Variants in RPA1 observed in about 807,000 individuals in gnomAD.
RPA1 encodes the protein replication protein A 70 kDa DNA-binding subunit.
A neutral mutation model predicts 83.0 loss-of-function variants in RPA1; 49 were observed. The ratio of observed to expected loss-of-function variants is 0.59; its 90% CI spans 0.47 to 0.75. The LOEUF is 0.75. Ranked by LOEUF, RPA1 falls within the 30% of genes least tolerant of loss-of-function variation. RPA1 has a pLI of 0.00. For synonymous variants in RPA1, 279 were observed against 281.8 expected (o/e 0.99, Z 0.10); for missense variants, 693 against 776.1 (o/e 0.89, Z 1.27).
At chr17:1,880,498 C>T in intron 11 of RPA1, 45 bp from the exon 12 acceptor site, 4 of 1,594,904 alleles carry the variant, frequency 2.5e-6, no homozygotes, top group Non-Finnish European at 3.4e-6. Context: ...CTTCTGTGTT[C>T]TTCCTGCTAG....
Position 1,856,181 on chromosome 17 carries a change from TG to T in RPA1, c.361+2994del, listed in dbSNP as rs887213013. ...TCTACCAAAAATACAAAAAATTAGC[TG>T]GATGTGGTGGCGCTCCTGCACCTGT... is the stretch of plus-strand genomic sequence containing the variant. On this transcript the variant is annotated intron_variant, in intron 5 of 16. Coordinates refer to ENST00000254719, the MANE Select transcript of RPA1 (RefSeq NM_002945.5). Among the ~76,000 whole-genome samples, 74 of 151,944 alleles carry T rather than the reference TG, an allele frequency of 4.9e-4. 1 individual carries two copies. The highest frequency in any genetic ancestry group is 1.7e-3 in the African/African-American group (70 of 41,438).
rs371452640 is a variant in RPA1, at chr17:1,853,172, C to T, written c.344C>T (p.Pro115Leu). Reference sequence around the variant, plus strand: ...GCAGTTGGAGTGAAGATTGGCAATCCAGTGCCCTATAATGAAGGTAAAATG... The same window carrying T: ...GCAGTTGGAGTGAAGATTGGCAATCTAGTGCCCTATAATGAAGGTAAAATG... ...AEAVGVKIGN[P>L]VPYNEGLGQP... The change falls in exon 5 of 17, where the codon CCA (proline) becomes CTA (leucine). Residue 115 changes from proline to leucine, a missense_variant. Physicochemically the swap from Pro to Leu is moderately conservative, Grantham distance 98. Coordinates refer to ENST00000254719, the MANE Select transcript of RPA1 (RefSeq NM_002945.5). 21 of 1,613,828 alleles carry T rather than the reference C, an allele frequency of 1.3e-5. No individual in the cohort carries two copies. In the South Asian group the frequency reaches 1.8e-4, roughly 13 times the overall value.
intron 4 of RPA1, among the ~76,000 whole-genome samples, chr17:1,850,108 G>T (rs961075015): frequency 6.6e-6 from 1 of 151,184 alleles, no homozygotes; most frequent in Non-Finnish European, 1.5e-5. Flanking sequence ...GGAGATGGAG[G>T]TTGCAGTGAG....
intron 8 of RPA1, among the ~76,000 whole-genome samples, chr17:1,878,288 A>T (rs1432304187): frequency 6.6e-6 from 1 of 152,208 alleles, no homozygotes; most frequent in Non-Finnish European, 1.5e-5. Context: ...AAAGTGCTGC[A>T]GATTTCCTGT....
chr17:1,893,513 C>T (rs937354287), intron 15 of RPA1, among the ~76,000 whole-genome samples: 13 of 152,208 alleles, frequency 8.5e-5, no homozygotes, highest in African/African-American at 3.1e-4. Context: ...GCTGCTTTCA[C>T]GCCGTGCGTG....
rs1404537321 is a variant in RPA1 at position 1,897,805 on chromosome 17, A to G, written c.*630A>G. On this transcript the variant is annotated 3_prime_UTR_variant, in exon 17 of 17. Transcript: ENST00000254719. ...ACTGAGTCAGATGGGTCTGATATTA[A>G]TCAAAATTGTCTCTTCTGAGGACCG... is the stretch of plus-strand genomic sequence containing the variant. 1 of 152,818 alleles carries G rather than the reference A, an allele frequency of 6.5e-6. No homozygotes were observed. Among genetic ancestry groups the G allele is most frequent in the Non-Finnish European group, 1.5e-5 (1 of 68,180 alleles). The allele number at this position is 152,818 out of a possible 1,614,324, so 9.5% of individuals were successfully genotyped here. A position where few individuals can be genotyped will look rare whatever the true frequency, so the allele number is the denominator to read the frequency against.
intron 5 of RPA1, among the ~76,000 whole-genome samples, chr17:1,867,985 G>A (rs554445727): frequency 9.2e-5 from 14 of 151,796 alleles, no homozygotes; most frequent in Admixed American, 3.3e-4. Context: ...CGGGGAGGCC[G>A]AGTCGGGGGA....
chr17:1,877,827 C>G (rs1913627522), intron 8 of RPA1, among the ~76,000 whole-genome samples: 1 of 152,160 alleles, frequency 6.6e-6, no homozygotes, highest in African/African-American at 2.4e-5. Context: ...TGCAGATTCT[C>G]TATTTGCTTT....
Position 1,883,730 on chromosome 17 carries a change from T to C in RPA1, c.1242-82T>C, listed in dbSNP as rs1597455016. 6 of 1,588,518 alleles carry C rather than the reference T, an allele frequency of 3.8e-6. No homozygotes were observed. The East Asian group carries it at 1.3e-4, about 36-fold the overall frequency. On this transcript the variant is annotated intron_variant, in intron 12 of 16. Coordinates refer to ENST00000254719, the MANE Select transcript of RPA1 (RefSeq NM_002945.5). ...GCGGGTGGTGGGAAACCTGTGTCTG[T>C]CGCGTAGCAGCAAGTTGCATGTGGA...
intron 11 of RPA1, among the ~76,000 whole-genome samples, chr17:1,880,073 G>A (rs1422572638): frequency 3.4e-5 from 5 of 146,506 alleles, no homozygotes; most frequent in African/African-American, 1.3e-4. Context: ...AGCTCCTGGG[G>A]TTGGGGGAGG....
At chr17:1,836,107 CTTTTTTAT>C (rs1425388897) in intron 1 of RPA1, among the ~76,000 whole-genome samples, 1 of 73,250 alleles carries the variant, frequency 1.4e-5, no homozygotes, top group African/African-American at 2.9e-5. Context: ...TAAATTGCAC[CTTTTTTAT>C]TTATTTATTT....
intron 11 of RPA1, among the ~76,000 whole-genome samples, chr17:1,880,129 G>C (rs1346769641): frequency 6.6e-6 from 1 of 151,372 alleles, no homozygotes; most frequent in Non-Finnish European, 1.5e-5. Flanking sequence ...CACACAGGAG[G>C]AGCTCCTGGG....
chr17:1,849,104 G>A (rs1160523908), intron 4 of RPA1, among the ~76,000 whole-genome samples: 3 of 152,080 alleles, frequency 2.0e-5, no homozygotes, highest in African/African-American at 7.2e-5. Context: ...TGAGGCTATT[G>A]TTCAAAGTGT....
chr17:1,839,365 C>T (rs947743839), intron 1 of RPA1, among the ~76,000 whole-genome samples: 21 of 150,508 alleles, frequency 1.4e-4, no homozygotes, highest in Non-Finnish European at 2.5e-4. Flanking sequence ...CTAGCTCTGT[C>T]GCCAGGCTGG....
At chr17:1,891,532 G>A (rs1460982307) in intron 14 of RPA1, 4 of 183,856 alleles carry the variant, frequency 2.2e-5, no homozygotes. Flanking sequence ...TGATTCTCCC[G>A]CCTCAGCCTC....
chr17:1,880,119 C>T (rs1319043811), intron 11 of RPA1, among the ~76,000 whole-genome samples: 2 of 149,836 alleles, frequency 1.3e-5, no homozygotes, highest in African/African-American at 4.9e-5. Flanking sequence ...GCCTTCAGCA[C>T]ACACAGGAGG....
At chr17:1,854,342 G>A (rs1912609890) in intron 5 of RPA1, 1 of 152,072 alleles carries the variant, frequency 6.6e-6, no homozygotes, top group East Asian at 1.9e-4. Flanking sequence ...GGAAGAGGCT[G>A]CACAAATAGA....
At chr17:1,840,305 G>T (rs970238033) in intron 1 of RPA1, among the ~76,000 whole-genome samples, 2 of 151,604 alleles carry the variant, frequency 1.3e-5, no homozygotes, top group Admixed American at 6.6e-5. Context: ...AATTTTTTTT[G>T]AGATGGATTC....
In RPA1 at chr17:1,879,304, G is replaced by A. The variant is rs1913684894; in HGVS notation, c.849G>A (p.Glu283=). 2 of 1,614,072 alleles carry A rather than the reference G, an allele frequency of 1.2e-6. No individual in the cohort carries two copies. Among genetic ancestry groups the A allele is most frequent in the South Asian group, 2.2e-5 (2 of 91,082 alleles). ...KNDYEMTFNN[E]TSVMPCEDDH... is the part of the protein sequence containing the mutation. ...ACTACGAGATGACCTTCAATAACGA[G>A]ACTTCCGTCATGCCCTGTGAGGACG... is the stretch of plus-strand genomic sequence containing the variant. The change falls in exon 10 of 17, where the codon GAG becomes GAA. Residue 283 remains glutamate (E), a synonymous_variant. Coordinates refer to ENST00000254719, the MANE Select transcript of RPA1 (RefSeq NM_002945.5).
Sources: allele counts gnomAD v4.1 joint callset (sites outside exome capture counted in the v4.1 genomes callset), GRCh38; gene constraint gnomAD v4.1.1; transcripts MANE v1.5; gene names NCBI Gene and HGNC (gene_info 2026-07-23, HGNC 2026-07-21).